The following LURAP1L variants were observed in gnomAD, a reference collection of about 807,000 sequenced individuals.
The protein encoded by LURAP1L is leucine rich adaptor protein 1-like.
In LURAP1L, 12 loss-of-function variants were observed where a neutral mutation model predicts 13.8. That is an observed-to-expected ratio of 0.87 (90% confidence interval 0.56 to 1.41). The LOEUF is 1.41. LURAP1L is among the 40% of genes most tolerant of loss of function. The pLI is 0.00. For synonymous variants in LURAP1L, 139 were observed against 119.2 expected (o/e 1.17, Z -1.08); for missense variants, 375 against 292.9 (o/e 1.28, Z -2.04).
chr9:12,821,695 A>T lies in LURAP1L; in HGVS notation c.622A>T (p.Ile208Leu), dbSNP rs1819883145. 1.2e-6 allele frequency: 2 copies of T among 1,614,032 alleles called. No individual in the cohort carries two copies. Among genetic ancestry groups the T allele is most frequent in the Admixed American group, 1.7e-5 (1 of 60,004 alleles). Reference sequence around the variant, plus strand: ...GGACCAATTCAGTGACAGCTCCCTCATAGAGGACTCACAGGCACTACACAA... The same window carrying T: ...GGACCAATTCAGTGACAGCTCCCTCTTAGAGGACTCACAGGCACTACACAA... Reference protein sequence around the residue: ...DLDQFSDSSLIEDSQALHKRP... With the variant: ...DLDQFSDSSLLEDSQALHKRP... Residue 208 changes from isoleucine to leucine, a missense_variant, in exon 2 of 2, where the codon ATA becomes TTA. By Grantham distance (5) the Ile-to-Leu change is conservative (BLOSUM62 2). Transcript: ENST00000319264.
intron 1 of LURAP1L, among the ~76,000 whole-genome samples, chr9:12,815,817 A>C (rs1819797636): frequency 1.3e-5 from 2 of 152,216 alleles, no homozygotes; most frequent in Admixed American, 1.3e-4. Flanking sequence ...ATATATAGAC[A>C]TATTAAAGAT....
chr9:12,779,431 C>T (rs911428218), intron 1 of LURAP1L, among the ~76,000 whole-genome samples: 3 of 151,866 alleles, frequency 2.0e-5, no homozygotes, highest in Admixed American at 6.6e-5. Flanking sequence ...CCTGCAACCA[C>T]GCCCGGCTAA....
chr9:12,787,968 C>G (rs1001362525), intron 1 of LURAP1L, among the ~76,000 whole-genome samples: 1 of 151,626 alleles, frequency 6.6e-6, no homozygotes, highest in African/African-American at 2.4e-5. Context: ...AAAAATTAGC[C>G]GGGTGTGGTG....
chr9:12,786,583 A>ATATATAT lies in LURAP1L; in HGVS notation c.312+10556_312+10557insTATATAT, dbSNP rs1384664118. ...ATATATATATATATATATATATATAAACCCTTGTGCCTTAAGTCTGTATAG... is the reference window on the plus strand; with the variant it reads ...ATATATATATATATATATATATATAATATATATACCCTTGTGCCTTAAGTCTGTATAG... On this transcript the variant is annotated intron_variant, in intron 1 of 1. Coordinates refer to ENST00000319264, the MANE Select transcript of LURAP1L (RefSeq NM_203403.2). 9.6e-4 allele frequency among the ~76,000 whole-genome samples: 19 copies of ATATATAT among 19,856 alleles called. No homozygotes were observed. In the East Asian group the frequency reaches 0.011, roughly 11 times the overall value. The allele number at this position is 19,856 out of a possible 152,430, so 13.0% of individuals were successfully genotyped here.
chr9:12,784,738 A>G (rs1207101063), intron 1 of LURAP1L, among the ~76,000 whole-genome samples: 1 of 150,446 alleles, frequency 6.6e-6, no homozygotes, highest in African/African-American at 2.4e-5. Context: ...TTTAGTCAGC[A>G]GGTGGTGAAT....
chr9:12,782,623 C>A (rs907621438), intron 1 of LURAP1L, among the ~76,000 whole-genome samples: 22 of 152,142 alleles, frequency 1.4e-4, no homozygotes, highest in Admixed American at 1.4e-3. Flanking sequence ...CAGTATCATG[C>A]TGTTTTGGTT....
At chr9:12,810,097 A>G (rs1158712735) in intron 1 of LURAP1L, among the ~76,000 whole-genome samples, 3 of 152,174 alleles carry the variant, frequency 2.0e-5, no homozygotes, top group Non-Finnish European at 4.4e-5. Context: ...CTTAGGGACA[A>G]GCTTTTTTAA....
At chr9:12,792,847 G>A (rs1396191015) in intron 1 of LURAP1L, among the ~76,000 whole-genome samples, 1 of 151,904 alleles carries the variant, frequency 6.6e-6, no homozygotes, top group Non-Finnish European at 1.5e-5. Context: ...TTATATTTGT[G>A]CTTCTTTTTA....
intron 1 of LURAP1L, among the ~76,000 whole-genome samples, chr9:12,811,392 A>G (rs1819733626): frequency 6.6e-6 from 1 of 152,162 alleles, no homozygotes; most frequent in Non-Finnish European, 1.5e-5. Flanking sequence ...TGAAAGCATC[A>G]TTTTTGTCAT....
chr9:12,798,448 G>A (rs935536870), intron 1 of LURAP1L, among the ~76,000 whole-genome samples: 4 of 152,186 alleles, frequency 2.6e-5, no homozygotes, highest in African/African-American at 9.7e-5. Flanking sequence ...GGACAATTAG[G>A]AGTCAATTAA....
intron 1 of LURAP1L, among the ~76,000 whole-genome samples, chr9:12,780,760 T>C (rs909747912): frequency 1.4e-4 from 22 of 151,892 alleles, no homozygotes; most frequent in Non-Finnish European, 2.6e-4. Flanking sequence ...AAAAAATAAA[T>C]GTTTCTCATT....
chr9:12,799,915 T>C lies in LURAP1L; in HGVS notation c.313-21471T>C, dbSNP rs958231822. On this transcript the variant is annotated intron_variant, in intron 1 of 1. Coordinates refer to ENST00000319264, the MANE Select transcript of LURAP1L (RefSeq NM_203403.2). ...AAGCCATTTTATGATATATATTCTATGTATTTATTTACACAGCATAATGTT... is the reference window on the plus strand; with the variant it reads ...AAGCCATTTTATGATATATATTCTACGTATTTATTTACACAGCATAATGTT... Among the ~76,000 whole-genome samples the C allele has an allele frequency of 5.9e-5, 9 of 151,824 alleles. 2 individuals carry two copies. The highest frequency in any genetic ancestry group is 4.2e-4 in the South Asian group (2 of 4,808).
intron 1 of LURAP1L, among the ~76,000 whole-genome samples, chr9:12,794,310 C>T (rs780628362): frequency 6.6e-6 from 1 of 152,014 alleles, no homozygotes; most frequent in African/African-American, 2.4e-5. Flanking sequence ...TGTTTGCTTT[C>T]TGTCTTAAGA....
intron 1 of LURAP1L, among the ~76,000 whole-genome samples, chr9:12,786,581 T>TAA (rs1819358970): frequency 1.6e-5 from 2 of 121,438 alleles, no homozygotes; most frequent in South Asian, 3.2e-4. Context: ...TATATATATA[T>TAA]AAACCCTTGT....
intron 1 of LURAP1L, among the ~76,000 whole-genome samples, chr9:12,804,863 G>T (rs1819635047): frequency 6.6e-6 from 1 of 151,954 alleles, no homozygotes; most frequent in African/African-American, 2.4e-5. Context: ...TACTTGTCAG[G>T]TTGGGACTCT....
chr9:12,798,615 G>T (rs150598207), intron 1 of LURAP1L, among the ~76,000 whole-genome samples: 20 of 152,174 alleles, frequency 1.3e-4, no homozygotes, highest in Non-Finnish European at 2.2e-4. Context: ...CCTCATTTGT[G>T]GTCCTTCAAA....
chr9:12,806,584 C>T (rs1022010652), intron 1 of LURAP1L, among the ~76,000 whole-genome samples: 2 of 151,998 alleles, frequency 1.3e-5, no homozygotes, highest in African/African-American at 2.4e-5. Context: ...GACATTCAAA[C>T]TTTGCTTTAT....
chr9:12,808,664 C>T (rs964108337), intron 1 of LURAP1L, among the ~76,000 whole-genome samples: 2 of 152,074 alleles, frequency 1.3e-5, no homozygotes, highest in Non-Finnish European at 2.9e-5. Flanking sequence ...AAAAGATTTT[C>T]TATAATTCGA....
At chr9:12,811,401 AT>A (rs1819733835) in intron 1 of LURAP1L, among the ~76,000 whole-genome samples, 1 of 152,216 alleles carries the variant, frequency 6.6e-6, no homozygotes, top group South Asian at 2.1e-4. Context: ...CATTTTTGTC[AT>A]TAATTATCAA....
Sources: gnomAD v4.1 joint callset for allele counts (sites outside exome capture counted in the v4.1 genomes callset) on GRCh38, gnomAD v4.1.1 for gene constraint, MANE v1.5 for transcripts, NCBI Gene and HGNC (gene_info 2026-07-23, HGNC 2026-07-21) for gene names.